TNK2: variants seen among roughly 807,000 people sequenced by gnomAD.
TNK2 encodes the protein activated CDC42 kinase 1.
A neutral mutation model predicts 101.8 loss-of-function variants in TNK2; 83 were observed. The ratio of observed to expected loss-of-function variants is 0.82; its 90% confidence interval spans 0.68 to 0.98. TNK2 has a LOEUF of 0.98. TNK2 is among the 50% of genes least tolerant of loss of function. The probability of loss-of-function intolerance (pLI) is 0.00; values close to 1 mark genes in which losing one functional copy is unlikely to be tolerated. For missense variants in TNK2, 1,665 were observed against 1,483.2 expected (o/e 1.12, Z -2.01); for synonymous variants, 804 against 633.0 (o/e 1.27, Z -4.06).
In TNK2 at chr3:195,868,026, C is replaced by T. The variant is rs374516264; in HGVS notation, c.2272G>A (p.Val758Ile). The change falls in exon 13 of 16, where the codon GTA becomes ATA. Residue 758 changes from valine (V) to isoleucine (I), a missense_variant. Val to Ile is a conservative substitution (Grantham distance 29, BLOSUM62 3). Around this residue, in one of 3 missense-constraint regions of TNK2, gnomAD observed 1,136 missense variants for 894.9 expected, o/e 1.27. Transcript: ENST00000672887. ...GDDKPQVPPR[V>I]PIPPRPTRPH... ...CGCGTGGGCCGAGGGGGGATGGGTACCCGAGGAGGCACCTGGGGCTTGTCG... is the reference window on the plus strand; with the variant it reads ...CGCGTGGGCCGAGGGGGGATGGGTATCCGAGGAGGCACCTGGGGCTTGTCG... 924 of 1,587,302 alleles carry T rather than the reference C, an allele frequency of 5.8e-4. 3 individuals are homozygous for T. In the South Asian group the frequency reaches 9.8e-3, roughly 17 times the overall value.
rs936219110 is a variant in TNK2, at chr3:195,886,610, C to T, written c.234+367G>A. ...AGGGAGGAGGGAAGCCAAGCAAAGA[C>T]GTTCTGGGTCCAGACAGGTCCACCA... On this transcript the variant is annotated intron_variant, in intron 3 of 15. Transcript: ENST00000672887. This position sits in a 1 kb window ranked among gnomAD's most constrained non-coding sequence, Gnocchi z 4.2. 5.3e-5 allele frequency among the ~76,000 whole-genome samples: 8 copies of T among 152,204 alleles called. No homozygotes were observed. In the South Asian group the frequency reaches 1.0e-3, roughly 20 times the overall value.
intron 2 of TNK2, 99 bp from the exon 3 acceptor site, chr3:195,887,146 C>T: frequency 8.5e-7 from 1 of 1,172,592 alleles, no homozygotes; most frequent in East Asian, 2.4e-5. Context: ...TCACTAGACA[C>T]CGCCCACCCG....
intron 1 of TNK2, among the ~76,000 whole-genome samples, chr3:195,889,690 G>T (rs1276721681): frequency 6.6e-6 from 1 of 152,174 alleles, no homozygotes; most frequent in Non-Finnish European, 1.5e-5. Flanking sequence ...TGGTACCGGA[G>T]AGTGACCTCT....
At chr3:195,893,821 C>G (rs976796140) in intron 1 of TNK2, among the ~76,000 whole-genome samples, 2 of 152,160 alleles carry the variant, frequency 1.3e-5, no homozygotes, top group African/African-American at 4.8e-5. Flanking sequence ...GGGTGGGCAG[C>G]TGGGGAGCAG....
At chr3:195,864,269 C>T in intron 15 of TNK2, 82 bp from the exon 16 acceptor site, 1 of 1,530,906 alleles carries the variant, frequency 6.5e-7, no homozygotes, top group Non-Finnish European at 9.0e-7. Flanking sequence ...ACACTGGTGC[C>T]AGGCAACACC....
intron 5 of TNK2, 120 bp downstream of exon 5, chr3:195,883,037 G>A (rs1753909546): frequency 7.9e-7 from 1 of 1,260,232 alleles, no homozygotes; most frequent in Non-Finnish European, 1.1e-6. Flanking sequence ...ACTCCATCAG[G>A]TTGGGGGACC....
Position 195,884,946 on chromosome 3 carries a change from G to A in TNK2, c.322C>T (p.Pro108Ser), listed in dbSNP as rs1281427642. ...CTCTGCAGGGGCCCCTCCCCTGCTG[G>A]GCCCCCAGGGGCGGGCGAGGTCTTC... ...FRKTSPAPGG[P>S]AGEGPLQSLT... The change falls in exon 4 of 16, where the codon CCA (proline) becomes TCA (serine). Residue 108 changes from proline (P) to serine (S), a missense_variant. Physicochemically the swap from Pro to Ser is moderately conservative, Grantham distance 74. Coordinates refer to ENST00000672887, the MANE Select transcript of TNK2 (RefSeq NM_001382273.1). 1.9e-6 allele frequency: 3 copies of A among 1,613,832 alleles called. No individual in the cohort carries two copies. In the South Asian group the frequency reaches 3.3e-5, roughly 18 times the overall value.
At chr3:195,896,187 CT>C in intron 1 of TNK2, 1 of 444,790 alleles carries the variant, frequency 2.2e-6, no homozygotes, top group South Asian at 1.6e-5. Flanking sequence ...AGGGCAGAGG[CT>C]CTTCCTCTCC....
In TNK2 at chr3:195,867,967, G is replaced by C; in HGVS notation, c.2331C>G (p.Gly777=). ...CAGGCCACTGGCTGGTCTCCTCCTC[G>C]CCCGGGGGGGCTGGAGACAGCTGGA... ...PHVQLSPAPP[G]EEETSQWPGP... Residue 777 remains glycine (G), a synonymous_variant, in exon 13 of 16, where the codon GGC becomes GGG. Coordinates refer to ENST00000672887, the MANE Select transcript of TNK2 (RefSeq NM_001382273.1). 2 of 1,542,974 alleles carry C rather than the reference G, an allele frequency of 1.3e-6. No individual in the cohort carries two copies. The highest frequency in any genetic ancestry group is 2.3e-5 in the East Asian group (1 of 43,388).
chr3:195,872,726 G>A (rs1424746631), intron 9 of TNK2: 5 of 486,386 alleles, frequency 1.0e-5, no homozygotes, highest in African/African-American at 1.0e-4. Flanking sequence ...AAATAAGGAG[G>A]CACGCTGGAA....
At position 195,888,465 on chromosome 3, in the gene TNK2, T is replaced by C; in HGVS notation, c.124A>G (p.Lys42Glu). Residue 42 changes from lysine to glutamate, a missense_variant, in exon 2 of 16, where the codon AAG becomes GAG. Physicochemically the swap from Lys to Glu is moderately conservative, Grantham distance 56. Around this residue, in one of 3 missense-constraint regions of TNK2, gnomAD observed 490 missense variants for 522.5 expected, o/e 0.94. Coordinates refer to ENST00000672887, the MANE Select transcript of TNK2 (RefSeq NM_001382273.1). The surrounding 1 kb of genome is among the most constrained non-coding windows in gnomAD (Gnocchi z 5.3). ...CCGATCTTCTCCAGGTCCTCATTCT[T>C]GACGTACTCAAAGTGGGACAGGCGG... ...VTRLSHFEYV[K>E]NEDLEKIGMG... is the part of the protein sequence containing the mutation. 6.2e-7 allele frequency: 1 copy of C among 1,613,886 alleles called. No individual in the cohort carries two copies. The highest frequency in any genetic ancestry group is 8.5e-7 in the Non-Finnish European group (1 of 1,179,950).
rs939939942 is a variant in TNK2, at chr3:195,870,461, G to T, written c.1452-256C>A. 2.4e-6 allele frequency: 3 copies of T among 1,275,702 alleles called. No individual in the cohort carries two copies. The Admixed American group carries it at 7.0e-5, about 30-fold the overall frequency. The allele number at this position is 1,275,702 out of a possible 1,614,324, so 79.0% of individuals were successfully genotyped here. ...GGGACTCCAACTACACCCTACAAGG[G>T]CAGAGGTGGTCCTCCACAACCCCCC... On this transcript the variant is annotated intron_variant, in intron 10 of 15. Coordinates refer to ENST00000672887, the MANE Select transcript of TNK2 (RefSeq NM_001382273.1).
chr3:195,876,567 C>G (rs1312603645), intron 9 of TNK2: 5 of 456,776 alleles, frequency 1.1e-5, no homozygotes, highest in Middle Eastern at 6.5e-4. Context: ...GGCCCGCTCC[C>G]AAGCCTCACC....
At position 195,867,626 on chromosome 3, in the gene TNK2, A is replaced by T; in HGVS notation, c.2672T>A (p.Leu891Gln). 2 of 1,600,216 alleles carry T rather than the reference A, an allele frequency of 1.2e-6. No individual in the cohort carries two copies. The highest frequency in any genetic ancestry group is 1.7e-6 in the Non-Finnish European group (2 of 1,179,344). ...PSYLERYQRF[L>Q]REAQSPEEPT... ...CTCCTCGGGGCTCTGGGCCTCACGC[A>T]GGAAGCGCTGGTAGCGCTCCAGGTA... The change falls in exon 13 of 16, where the codon CTG (leucine) becomes CAG (glutamine). Residue 891 changes from leucine (L) to glutamine (Q), a missense_variant. Around this residue, in one of 3 missense-constraint regions of TNK2, gnomAD observed 1,136 missense variants for 894.9 expected, o/e 1.27. Coordinates refer to ENST00000672887, the MANE Select transcript of TNK2 (RefSeq NM_001382273.1).
chr3:195,869,333 G>A (rs534149939), intron 12 of TNK2, 164 bp downstream of exon 12: 49 of 744,720 alleles, frequency 6.6e-5, no homozygotes, highest in South Asian at 3.0e-4. Context: ...GGGCGGGCTC[G>A]AGGGGGGGCA....
At position 195,894,557 on chromosome 3, in the gene TNK2, A is replaced by AT. The variant is rs541618034; in HGVS notation, c.-18-5952dup. ...CAGGCCCCCGCCACCGTGCCCAGCTATTTTTTTTTTTTCCGCCATGTTGGC... is the reference window on the plus strand; with the variant it reads ...CAGGCCCCCGCCACCGTGCCCAGCTATTTTTTTTTTTTTCCGCCATGTTGGC... On this transcript the variant is annotated intron_variant, in intron 1 of 15. Transcript: ENST00000672887. 507 of 142,028 alleles carry AT rather than the reference A, an allele frequency of 3.6e-3. 6 individuals are homozygous for AT. Among genetic ancestry groups the AT allele is most frequent in the African/African-American group, 8.3e-3 (324 of 39,006 alleles). 8.8% of individuals were successfully genotyped at this position (142,028 alleles called of 1,614,324 possible). A position where few individuals can be genotyped will look rare whatever the true frequency, so the allele number is the denominator to read the frequency against.
At chr3:195,890,019 G>C (rs994804892) in intron 1 of TNK2, among the ~76,000 whole-genome samples, 1 of 152,218 alleles carries the variant, frequency 6.6e-6, no homozygotes, top group African/African-American at 2.4e-5. Context: ...TGCCCCCACA[G>C]TTCCCAGTGG....
Position 195,868,365 on chromosome 3 carries a change from G to A in TNK2, c.1933C>T (p.Pro645Ser). Residue 645 changes from proline to serine, a missense_variant, in exon 13 of 16, where the codon CCC becomes TCC. By Grantham distance (74) the Pro-to-Ser change is moderately conservative (BLOSUM62 -1). Around this residue, in one of 3 missense-constraint regions of TNK2, gnomAD observed 1,136 missense variants for 894.9 expected, o/e 1.27. Transcript: ENST00000672887. Reference sequence around the variant, plus strand: ...ACGTCGTCATAGGCGGGCGGGGGGGGCAGCGGGCGTGCGTCCCAGTCCACC... The same window carrying A: ...ACGTCGTCATAGGCGGGCGGGGGGGACAGCGGGCGTGCGTCCCAGTCCACC... ...PVVDWDARPL[P>S]PPPAYDDVAQ... The A allele has an allele frequency of 6.3e-7, 1 of 1,596,614 alleles. No homozygotes were observed. The highest frequency in any genetic ancestry group is 8.5e-7 in the Non-Finnish European group (1 of 1,177,038).
chr3:195,868,213 GGGCGGCCGCGCCTGCTCA>G lies in TNK2; in HGVS notation c.2067_2084del (p.Glu690_Pro695del). On this transcript the variant is annotated inframe_deletion, in exon 13 of 16. Transcript: ENST00000672887. ...GGAACAGGTTGTCCTCCAGGGGAGGGGGCGGCCGCGCCTGCTCAGGCACAAAGGCGTAGTTGGTCTGGC... is the reference window on the plus strand; with the variant it reads ...GGAACAGGTTGTCCTCCAGGGGAGGGGGCACAAAGGCGTAGTTGGTCTGGC... 6.2e-7 allele frequency: 1 copy of G among 1,607,206 alleles called. No homozygotes were observed. The highest frequency in any genetic ancestry group is 8.5e-7 in the Non-Finnish European group (1 of 1,178,978).
Sources: gnomAD v4.1 joint callset for allele counts (sites outside exome capture counted in the v4.1 genomes callset) on GRCh38, gnomAD v4.1.1 for gene constraint, gnomAD v4.1.1 regional missense constraint, Gnocchi (gnomAD v3.1) non-coding constraint, MANE v1.5 for transcripts, NCBI Gene and HGNC (gene_info 2026-07-23, HGNC 2026-07-21) for gene names.